The following KIRREL3 variants were observed in gnomAD, a reference collection of about 807,000 sequenced individuals.
The protein encoded by KIRREL3 is kin of IRRE-like protein 3.
Under a neutral mutation model 89.7 loss-of-function variants are expected in KIRREL3, and 36 were observed. The observed-to-expected ratio is 0.40, with a 90% CI of 0.31 to 0.53. The LOEUF is 0.53. Ranked by LOEUF, KIRREL3 falls within the 20% of genes least tolerant of loss-of-function variation. The pLI is 0.49. For synonymous variants in KIRREL3, 445 were observed against 441.4 expected, an observed-to-expected ratio of 1.01 and a Z score of -0.10; for missense variants, 864 against 1,056.6, an observed-to-expected ratio of 0.82 and a Z score of 2.53.
chr11:126,771,114 G>A lies in KIRREL3; in HGVS notation c.56-208202C>T, dbSNP rs1340533574. ...GGCATCCCAAAGTCCTGGGATTACA[G>A]GCATGAGCCACTTCCTCTGGCCAGA... is the stretch of plus-strand genomic sequence containing the variant. On this transcript the variant is annotated intron_variant, in intron 1 of 16. Transcript: ENST00000525144. The surrounding 1 kb of genome is among the most constrained non-coding windows in gnomAD (Gnocchi z 4.4). 6.6e-6 allele frequency among the ~76,000 whole-genome samples: 1 copy of A among 152,164 alleles called. No homozygotes were observed. Among genetic ancestry groups the A allele is most frequent in the Non-Finnish European group, 1.5e-5 (1 of 68,036 alleles).
Position 126,903,944 on chromosome 11 carries a change from T to C in KIRREL3, c.55+96511A>G, listed in dbSNP as rs551922430. 6.6e-5 allele frequency among the ~76,000 whole-genome samples: 10 copies of C among 152,318 alleles called. No individual in the cohort carries two copies. The highest frequency in any genetic ancestry group is 2.4e-4 in the African/African-American group (10 of 41,586). ...ATGAAAGTAATCCCTTGGTTCACCC[T>C]GGAACAGAACCAGTTCTTTACAAGG... On this transcript the variant is annotated intron_variant, in intron 1 of 16. Coordinates refer to ENST00000525144, the MANE Select transcript of KIRREL3 (RefSeq NM_032531.4). This position sits in a 1 kb window ranked among gnomAD's most constrained non-coding sequence, Gnocchi z 4.5.
upstream of KIRREL3, among the ~76,000 whole-genome samples, chr11:127,002,740 C>A (rs1463286332): frequency 6.6e-6 from 1 of 152,156 alleles, no homozygotes; most frequent in Non-Finnish European, 1.5e-5. Context: ...AAAGATTTAT[C>A]CTTTAAGCTG....
chr11:126,589,636 G>T (rs1215653936), intron 1 of KIRREL3, among the ~76,000 whole-genome samples: 1 of 152,208 alleles, frequency 6.6e-6, no homozygotes, highest in Non-Finnish European at 1.5e-5. Flanking sequence ...TGGGATAAGT[G>T]CTCCCATGTT....
At chr11:126,845,450 G>A (rs1944106353) in intron 1 of KIRREL3, among the ~76,000 whole-genome samples, 1 of 152,142 alleles carries the variant, frequency 6.6e-6, no homozygotes, top group Non-Finnish European at 1.5e-5. Context: ...ATCTTAAGCT[G>A]CAGGGAATCT....
chr11:126,855,166 G>T (rs1306723105), intron 1 of KIRREL3, among the ~76,000 whole-genome samples: 1 of 152,192 alleles, frequency 6.6e-6, no homozygotes, highest in Non-Finnish European at 1.5e-5. Context: ...ATATGGTTTG[G>T]ATTTGCATCC....
At chr11:126,548,550 C>T (rs1179662633) in intron 2 of KIRREL3, among the ~76,000 whole-genome samples, 1 of 152,216 alleles carries the variant, frequency 6.6e-6, no homozygotes, top group Non-Finnish European at 1.5e-5. Flanking sequence ...TCTGGCTGCC[C>T]ATAGTGGTAG....
intron 4 of KIRREL3, among the ~76,000 whole-genome samples, chr11:126,478,175 G>C (rs1021605870): frequency 6.6e-6 from 1 of 151,704 alleles, no homozygotes; most frequent in Admixed American, 6.5e-5. Context: ...GCTCCTCTCT[G>C]TCTGTAACGC....
chr11:126,495,437 G>A lies in KIRREL3; in HGVS notation c.434-21971C>T, dbSNP rs1026656671. Among the ~76,000 whole-genome samples the A allele has an allele frequency of 6.6e-6, 1 of 151,824 alleles. No individual in the cohort carries two copies. The highest frequency in any genetic ancestry group is 1.5e-5 in the Non-Finnish European group (1 of 67,898). On this transcript the variant is annotated intron_variant, in intron 4 of 16. Coordinates refer to ENST00000525144, the MANE Select transcript of KIRREL3 (RefSeq NM_032531.4). The surrounding 1 kb of genome is among the most constrained non-coding windows in gnomAD (Gnocchi z 6.5). ...CAGGTGGTTCTGCTTTCTCCCCAAA[G>A]CCTCCCTCGACTGTCTGTGTTCCTC...
intron 8 of KIRREL3, among the ~76,000 whole-genome samples, chr11:126,447,786 TC>T (rs1236103398): frequency 6.6e-6 from 1 of 152,088 alleles, no homozygotes; most frequent in Non-Finnish European, 1.5e-5. Flanking sequence ...CTGCGATTAG[TC>T]CCCTGATGTA....
chr11:126,736,749 A>G lies in KIRREL3; in HGVS notation c.56-173837T>C, dbSNP rs1948813595. On this transcript the variant is annotated intron_variant, in intron 1 of 16. Transcript: ENST00000525144. This position sits in a 1 kb window ranked among gnomAD's most constrained non-coding sequence, Gnocchi z 5.0. ...TGGTCTAGACCAATCTCCTGATTTT[A>G]CAGATAAGAAAACCCGGGTGTGGGT... Among the ~76,000 whole-genome samples, 1 of 152,156 alleles carries G rather than the reference A, an allele frequency of 6.6e-6. No individual in the cohort carries two copies. The highest frequency in any genetic ancestry group is 6.5e-5 in the Admixed American group (1 of 15,280).
Position 126,747,837 on chromosome 11 carries a change from T to C in KIRREL3, c.56-184925A>G, listed in dbSNP as rs1297549268. Among the ~76,000 whole-genome samples the C allele has an allele frequency of 6.6e-6, 1 of 152,074 alleles. No homozygotes were observed. Among genetic ancestry groups the C allele is most frequent in the Non-Finnish European group, 1.5e-5 (1 of 68,022 alleles). On this transcript the variant is annotated intron_variant, in intron 1 of 16. Coordinates refer to ENST00000525144, the MANE Select transcript of KIRREL3 (RefSeq NM_032531.4). The surrounding 1 kb of genome is among the most constrained non-coding windows in gnomAD (Gnocchi z 4.7). Reference sequence around the variant, plus strand: ...TTGGCAGAGCTGTCCTTTGTAGAAGTGATTCTCAGTGGCCCTTGCCCCTTA... The same window carrying C: ...TTGGCAGAGCTGTCCTTTGTAGAAGCGATTCTCAGTGGCCCTTGCCCCTTA...
chr11:127,001,629 T>C (rs1170898604), upstream of KIRREL3, among the ~76,000 whole-genome samples: 1 of 152,188 alleles, frequency 6.6e-6, no homozygotes, highest in Non-Finnish European at 1.5e-5. Context: ...TCAAGCCTTT[T>C]ACCTGTCATG....
intron 15 of KIRREL3, among the ~76,000 whole-genome samples, chr11:126,426,425 G>A (rs1339387742): frequency 6.6e-6 from 1 of 152,202 alleles, no homozygotes; most frequent in African/African-American, 2.4e-5. Flanking sequence ...GACCTTGCCT[G>A]CTTTTGGGAT....
Position 126,729,767 on chromosome 11 carries a change from C to G in KIRREL3, c.56-166855G>C, listed in dbSNP as rs7925517. Among the ~76,000 whole-genome samples the G allele has an allele frequency of 0.022, 3,371 of 152,244 alleles. 121 individuals carry two copies. Among genetic ancestry groups the G allele is most frequent in the African/African-American group, 0.076 (3,175 of 41,514 alleles). The stretch of plus-strand genomic sequence containing the variant: ...GCTATTTTATGAGCTTGGGAGGTTT[C>G]TGTGTCCAGAAGCACAATGGAGGGA... On this transcript the variant is annotated intron_variant, in intron 1 of 16. Transcript: ENST00000525144. The surrounding 1 kb of genome is among the most constrained non-coding windows in gnomAD (Gnocchi z 4.5).
chr11:126,670,840 T>C (rs1215597457), intron 1 of KIRREL3, among the ~76,000 whole-genome samples: 1 of 152,232 alleles, frequency 6.6e-6, no homozygotes, highest in Non-Finnish European at 1.5e-5. Context: ...AAATTTTGTA[T>C]AGAATGGCGA....
At chr11:126,913,485 C>T (rs1443975507) in intron 1 of KIRREL3, among the ~76,000 whole-genome samples, 2 of 152,166 alleles carry the variant, frequency 1.3e-5, no homozygotes, top group South Asian at 2.1e-4. Flanking sequence ...TGACTGTAAA[C>T]GCAGAGTGTC....
rs1359687046 is a variant in KIRREL3 at position 126,576,487 on chromosome 11, TC to T, written c.56-13576del. ...TCCCAAGCTTCCATTTTAGACAGCT[TC>T]TATGTAGTTCCTTTCCCTTACACGT... On this transcript the variant is annotated intron_variant, in intron 1 of 16. Transcript: ENST00000525144. This position sits in a 1 kb window ranked among gnomAD's most constrained non-coding sequence, Gnocchi z 5.4. Among the ~76,000 whole-genome samples, 1 of 152,192 alleles carries T rather than the reference TC, an allele frequency of 6.6e-6. No homozygotes were observed. The highest frequency in any genetic ancestry group is 1.5e-5 in the Non-Finnish European group (1 of 68,032).
intron 1 of KIRREL3, among the ~76,000 whole-genome samples, chr11:126,922,539 A>G (rs1947395575): frequency 6.6e-6 from 1 of 151,698 alleles, no homozygotes; most frequent in Non-Finnish European, 1.5e-5. Context: ...GTTCCCTCCC[A>G]TACAAGGTGA....
At chr11:126,815,665 C>G (rs1030044346) in intron 1 of KIRREL3, among the ~76,000 whole-genome samples, 2 of 152,120 alleles carry the variant, frequency 1.3e-5, no homozygotes, top group Non-Finnish European at 2.9e-5. Flanking sequence ...TCCCGAGTAG[C>G]TGGGACTACA....
Sources: allele counts gnomAD v4.1 joint callset (sites outside exome capture counted in the v4.1 genomes callset), GRCh38; gene constraint gnomAD v4.1.1; non-coding constraint Gnocchi (gnomAD v3.1); transcripts MANE v1.5; gene names NCBI Gene and HGNC (gene_info 2026-07-23, HGNC 2026-07-21).